NKAIN3: variants seen among roughly 807,000 people sequenced by gnomAD.
The protein encoded by NKAIN3 is sodium/potassium-transporting ATPase subunit beta-1-interacting protein 3.
Under a neutral mutation model 30.2 loss-of-function variants are expected in NKAIN3, and 25 were observed. The observed-to-expected ratio is 0.83, with a 90% CI of 0.60 to 1.16. The LOEUF (loss-of-function observed/expected upper bound fraction) is 1.16. Among genes scored for constraint, NKAIN3 ranks in the 50% most tolerant of loss-of-function variants. NKAIN3 has a pLI of 0.00. For missense variants in NKAIN3, 225 were observed against 254.1 expected (o/e 0.89, Z 0.78); for synonymous variants, 91 against 89.6 (o/e 1.02, Z -0.09).
chr8:62,770,797 A>T (rs1816984734), intron 4 of NKAIN3, among the ~76,000 whole-genome samples: 1 of 152,160 alleles, frequency 6.6e-6, no homozygotes, highest in Non-Finnish European at 1.5e-5. Flanking sequence ...AAAAAAAAAA[A>T]CTAAGCAGAG....
At chr8:62,512,687 T>C (rs918204436) in intron 1 of NKAIN3, among the ~76,000 whole-genome samples, 3 of 152,150 alleles carry the variant, frequency 2.0e-5, no homozygotes, top group African/African-American at 7.2e-5. Context: ...TGGCAATGTG[T>C]ACTTAGCAGT....
At chr8:62,653,457 G>T (rs987655708) in intron 3 of NKAIN3, among the ~76,000 whole-genome samples, 1 of 152,162 alleles carries the variant, frequency 6.6e-6, no homozygotes, top group Non-Finnish European at 1.5e-5. Flanking sequence ...TTTTGGGGGA[G>T]CAGAAGGGAC....
At chr8:62,770,668 T>C (rs1816980921) in intron 4 of NKAIN3, among the ~76,000 whole-genome samples, 1 of 151,928 alleles carries the variant, frequency 6.6e-6, no homozygotes, top group South Asian at 2.1e-4. Context: ...ATGCAGTCCA[T>C]AGCAAGGTGT....
rs957856388 is a variant in NKAIN3, at chr8:62,310,658, G to A, written c.54+61531G>A. 2.7e-5 allele frequency among the ~76,000 whole-genome samples: 4 copies of A among 150,372 alleles called. No homozygotes were observed. The South Asian group carries it at 6.2e-4, about 23-fold the overall frequency. On this transcript the variant is annotated intron_variant, in intron 1 of 6. Coordinates refer to ENST00000623646, the MANE Select transcript of NKAIN3 (RefSeq NM_001304533.3). ...AAAAGTGGGTGGTGCCCCATTGTTT[G>A]AAGTGTCTGATCAGGTACTGAATAA...
chr8:62,946,473 GGTTTAGTT>G, intron 5 of NKAIN3, among the ~76,000 whole-genome samples: 1 of 152,110 alleles, frequency 6.6e-6, no homozygotes, highest in Non-Finnish European at 1.5e-5. Context: ...ACAGCAGCAG[GGTTTAGTT>G]GCCAGCTACC....
At chr8:62,708,569 C>G (rs2130487105) in intron 3 of NKAIN3, among the ~76,000 whole-genome samples, 1 of 152,162 alleles carries the variant, frequency 6.6e-6, no homozygotes, top group East Asian at 1.9e-4. Flanking sequence ...GTACATGAAT[C>G]TTGTATCCGG....
chr8:62,339,511 A>G (rs1815671868), intron 1 of NKAIN3, among the ~76,000 whole-genome samples: 1 of 152,040 alleles, frequency 6.6e-6, no homozygotes, highest in Non-Finnish European at 1.5e-5. Context: ...TTCCTGTGGA[A>G]TTTTTGGTTC....
intron 4 of NKAIN3, among the ~76,000 whole-genome samples, chr8:62,765,263 AAAAGAAAAG>A (rs1030008935): frequency 3.0e-5 from 4 of 133,444 alleles, no homozygotes; most frequent in South Asian, 2.3e-4. Context: ...AAAAAAAAAA[AAAAGAAAAG>A]AAAAGAAAAG....
chr8:62,304,417 C>T (rs1814156326), intron 1 of NKAIN3, among the ~76,000 whole-genome samples: 1 of 150,280 alleles, frequency 6.7e-6, no homozygotes, highest in South Asian at 2.1e-4. Flanking sequence ...TGCTTTTTTC[C>T]CCCTTTTAGT....
intron 1 of NKAIN3, among the ~76,000 whole-genome samples, chr8:62,512,095 C>T (rs1051086501): frequency 6.6e-6 from 1 of 152,060 alleles, no homozygotes; most frequent in East Asian, 1.9e-4. Flanking sequence ...AATGAACTTT[C>T]TCTTTTATAC....
chr8:62,556,940 A>C (rs903584103), intron 1 of NKAIN3, among the ~76,000 whole-genome samples: 1 of 152,034 alleles, frequency 6.6e-6, no homozygotes, highest in Non-Finnish European at 1.5e-5. Flanking sequence ...TATACTTTTA[A>C]ATTTTTTTTT....
chr8:62,709,224 T>C (rs115988774), intron 3 of NKAIN3, among the ~76,000 whole-genome samples: 4,124 of 152,276 alleles, frequency 0.027, 195 homozygotes, highest in African/African-American at 0.094. Context: ...ATAAGGGTGA[T>C]GCTGGCTTCA....
intron 1 of NKAIN3, among the ~76,000 whole-genome samples, chr8:62,542,635 A>G (rs902455974): frequency 3.3e-5 from 5 of 152,186 alleles, no homozygotes; most frequent in African/African-American, 1.2e-4. Context: ...TTCAGAAAAA[A>G]AAAGTGACTA....
chr8:62,934,641 C>T (rs1822726635), intron 5 of NKAIN3, among the ~76,000 whole-genome samples: 1 of 152,042 alleles, frequency 6.6e-6, no homozygotes, highest in African/African-American at 2.4e-5. Context: ...CTAAAGCAAG[C>T]ACAGTCCAGG....
intron 1 of NKAIN3, among the ~76,000 whole-genome samples, chr8:62,377,386 C>A (rs1817121934): frequency 6.6e-6 from 1 of 151,956 alleles, no homozygotes; most frequent in Admixed American, 6.6e-5. Flanking sequence ...TCTTATTTTT[C>A]TTTTAAATGG....
At chr8:62,285,773 T>C (rs1813362201) in intron 1 of NKAIN3, among the ~76,000 whole-genome samples, 1 of 152,166 alleles carries the variant, frequency 6.6e-6, no homozygotes, top group Non-Finnish European at 1.5e-5. Flanking sequence ...TACAAAAATA[T>C]CTGAACCAGA....
At chr8:62,512,330 C>A (rs561823793) in intron 1 of NKAIN3, among the ~76,000 whole-genome samples, 1 of 152,190 alleles carries the variant, frequency 6.6e-6, no homozygotes, top group South Asian at 2.1e-4. Flanking sequence ...CCCAGTATTT[C>A]TCTATAATGT....
intron 3 of NKAIN3, among the ~76,000 whole-genome samples, chr8:62,592,214 T>C (rs1810673839): frequency 6.6e-6 from 1 of 152,024 alleles, no homozygotes; most frequent in Admixed American, 6.6e-5. Context: ...ACAATTTGCA[T>C]TCATGGAGTG....
At chr8:62,370,292 G>C (rs1026935108) in intron 1 of NKAIN3, among the ~76,000 whole-genome samples, 6 of 151,894 alleles carry the variant, frequency 4.0e-5, no homozygotes, top group Admixed American at 3.9e-4. Context: ...GCAAACAAAA[G>C]AATAATCTGT....
Sources: allele counts gnomAD v4.1 joint callset (sites outside exome capture counted in the v4.1 genomes callset), GRCh38; gene constraint gnomAD v4.1.1; transcripts MANE v1.5; gene names NCBI Gene and HGNC (gene_info 2026-07-23, HGNC 2026-07-21).